Variants in GRIN2B observed in about 807,000 individuals in gnomAD.
GRIN2B encodes the protein glutamate ionotropic receptor NMDA type subunit 2B, also known as glutamate receptor ionotropic, NMDA 2B.
Under a neutral mutation model 114.5 loss-of-function variants are expected in GRIN2B, and 5 were observed. The observed-to-expected ratio is 0.04, with a 90% CI of 0.02 to 0.09. GRIN2B has a LOEUF of 0.09. Ranked by LOEUF, GRIN2B falls within the 10% of genes least tolerant of loss-of-function variation. The pLI is 1.00. For missense variants in GRIN2B, 1,108 were observed against 1,943.5 expected (o/e 0.57, Z 8.08); for synonymous variants, 787 against 745.1 (o/e 1.06, Z -0.92).
At chr12:13,679,731 A>T (rs1009345446) in intron 4 of GRIN2B, among the ~76,000 whole-genome samples, 1 of 152,152 alleles carries the variant, frequency 6.6e-6, no homozygotes, top group Non-Finnish European at 1.5e-5. Context: ...CTTGAGCAAG[A>T]TGCCCTTTGA....
chr12:13,712,669 A>T (rs1459426929), intron 4 of GRIN2B, among the ~76,000 whole-genome samples: 1 of 151,898 alleles, frequency 6.6e-6, no homozygotes, highest in Non-Finnish European at 1.5e-5. Context: ...TTCCATTAGA[A>T]TTTTATCTTT....
intron 5 of GRIN2B, among the ~76,000 whole-genome samples, chr12:13,672,701 A>G (rs1448915425): frequency 1.3e-5 from 2 of 152,184 alleles, no homozygotes; most frequent in African/African-American, 2.4e-5. Flanking sequence ...GGGTTAATTG[A>G]GTCGATATGA....
At chr12:13,893,132 G>A (rs1435004865) in intron 2 of GRIN2B, among the ~76,000 whole-genome samples, 2 of 152,074 alleles carry the variant, frequency 1.3e-5, no homozygotes, top group Non-Finnish European at 2.9e-5. Flanking sequence ...AAGTAAATTT[G>A]ATTAAATTGT....
intron 2 of GRIN2B, chr12:13,977,219 A>C (rs936514090): frequency 6.6e-6 from 1 of 152,218 alleles, no homozygotes; most frequent in African/African-American, 2.4e-5. Context: ...ATCCCTGGCA[A>C]AAATTGCATA....
intron 4 of GRIN2B, among the ~76,000 whole-genome samples, chr12:13,677,620 A>C (rs1950087680): frequency 6.6e-6 from 1 of 151,970 alleles, no homozygotes; most frequent in Non-Finnish European, 1.5e-5. Flanking sequence ...TCTATATCAT[A>C]ATATTGGTCT....
At chr12:13,571,678 G>T in intron 11 of GRIN2B, 126 bp downstream of exon 11, 1 of 987,946 alleles carries the variant, frequency 1.0e-6, no homozygotes, top group Non-Finnish European at 1.6e-6. Flanking sequence ...TCCATAAAGA[G>T]CAAATGAAGT....
chr12:13,607,343 A>ATT (rs1565473649), intron 10 of GRIN2B, among the ~76,000 whole-genome samples: 2 of 42,666 alleles, frequency 4.7e-5, no homozygotes, highest in African/African-American at 2.2e-4. Flanking sequence ...TATTATATAT[A>ATT]ATATATAAAA....
intron 2 of GRIN2B, among the ~76,000 whole-genome samples, chr12:13,941,805 A>C (rs967466116): frequency 6.6e-6 from 1 of 152,360 alleles, no homozygotes; most frequent in Non-Finnish European, 1.5e-5. Flanking sequence ...GAAGGCTGAA[A>C]ACAACTAAAC....
In GRIN2B at chr12:13,753,328, A is replaced by G. The variant is rs779643614; in HGVS notation, c.999T>C (p.Asn333=). ...TGTTCCACACTCACCTATTTAGCAT[A>G]TTGGACTGGTAGATTCTCTTCTCGT... ...NTHEKRIYQS[N]MLNRYLINVT... The change falls in exon 4 of 14, where the codon AAT becomes AAC. Residue 333 remains asparagine (N), a synonymous_variant. Coordinates refer to ENST00000609686, the MANE Select transcript of GRIN2B (RefSeq NM_000834.5). The surrounding 1 kb of genome is among the most constrained non-coding windows in gnomAD (Gnocchi z 6.2). 6.4e-7 allele frequency: 1 copy of G among 1,574,650 alleles called. No homozygotes were observed. Among genetic ancestry groups the G allele is most frequent in the African/African-American group, 1.3e-5 (1 of 74,118 alleles).
chr12:13,881,024 G>A (rs997527978), intron 2 of GRIN2B, among the ~76,000 whole-genome samples: 6 of 152,284 alleles, frequency 3.9e-5, no homozygotes, highest in African/African-American at 9.6e-5. Context: ...GCGCGTGCGC[G>A]CACGCATGTG....
At position 13,608,744 on chromosome 12, in the gene GRIN2B, T is replaced by C; in HGVS notation, c.1869A>G (p.Pro623=). Residue 623 remains proline, a synonymous_variant, in exon 10 of 14, where the codon CCA becomes CCG. Coordinates refer to ENST00000609686, the MANE Select transcript of GRIN2B (RefSeq NM_000834.5). The stretch of plus-strand genomic sequence containing the variant: ...CCATGATCTTGGAGGTGGTCCCCTT[T>C]GGGTTCTGCACAGGTACGGAGTTGT... ...VFNNSVPVQN[P]KGTTSKIMVS... The C allele has an allele frequency of 6.2e-7, 1 of 1,614,122 alleles. No homozygotes were observed. Among genetic ancestry groups the C allele is most frequent in the Middle Eastern group, 1.6e-4 (1 of 6,062 alleles).
rs542626144 is a variant in GRIN2B at position 13,735,922 on chromosome 12, C to T, written c.1010+17395G>A. 3.7e-4 allele frequency among the ~76,000 whole-genome samples: 56 copies of T among 151,694 alleles called. 1 individual carries two copies. The highest frequency in any genetic ancestry group is 1.3e-3 in the African/African-American group (54 of 41,330). On this transcript the variant is annotated intron_variant, in intron 4 of 13. Coordinates refer to ENST00000609686, the MANE Select transcript of GRIN2B (RefSeq NM_000834.5). Reference sequence around the variant, plus strand: ...ATTTTTTTTTTTGGAAAAAAATAACCTCAATCTGAAGCACGTGTCACTGCC... The same window carrying T: ...ATTTTTTTTTTTGGAAAAAAATAACTTCAATCTGAAGCACGTGTCACTGCC...
chr12:13,563,508 C>G lies in GRIN2B; in HGVS notation c.3730G>C (p.Ala1244Pro). Residue 1244 changes from alanine (A) to proline (P), a missense_variant, in exon 14 of 14, where the codon GCT (alanine) becomes CCT (proline). Physicochemically the swap from Ala to Pro is conservative, Grantham distance 27 (BLOSUM62 -1). Around this residue, in one of 19 missense-constraint regions of GRIN2B, gnomAD observed 478 missense variants for 506.0 expected, o/e 0.94. Coordinates refer to ENST00000609686, the MANE Select transcript of GRIN2B (RefSeq NM_000834.5). ...SGRQACIRCE[A>P]CKKAGNLYDI... The stretch of plus-strand genomic sequence containing the variant: ...TACAGGTTGCCTGCTTTCTTGCAAG[C>G]CTCACACCGGATGCACGCCTGCCTG... The G allele has an allele frequency of 6.2e-7, 1 of 1,614,138 alleles. No individual in the cohort carries two copies. Among genetic ancestry groups the G allele is most frequent in the Non-Finnish European group, 8.5e-7 (1 of 1,180,034 alleles).
rs796267496 is a variant in GRIN2B, at chr12:13,607,170, A to T, written c.2010+1433T>A. The stretch of plus-strand genomic sequence containing the variant: ...AAAAAAAATATATATATATATAAAA[A>T]ATATATATAATAAATATATAAAAAA... On this transcript the variant is annotated intron_variant, in intron 10 of 13. Coordinates refer to ENST00000609686, the MANE Select transcript of GRIN2B (RefSeq NM_000834.5). Among the ~76,000 whole-genome samples, 62 of 122,844 alleles carry T rather than the reference A, an allele frequency of 5.0e-4. No homozygotes were observed. In the East Asian group the frequency reaches 7.6e-3, roughly 15 times the overall value. The allele number at this position is 122,844 out of a possible 152,430, so 80.6% of individuals were successfully genotyped here.
rs1030136301 is a variant in GRIN2B at position 13,557,481 on chromosome 12, A to T, written c.*5302T>A. On this transcript the variant is annotated 3_prime_UTR_variant, in exon 14 of 14. Transcript: ENST00000609686. ...TTTATTGTATCACTAATTCAATTTGATTTTTCTAGCTGCCTACTCAGTAAC... is the reference window on the plus strand; with the variant it reads ...TTTATTGTATCACTAATTCAATTTGTTTTTTCTAGCTGCCTACTCAGTAAC... The T allele has an allele frequency of 1.3e-5, 2 of 152,178 alleles. No homozygotes were observed. The highest frequency in any genetic ancestry group is 2.9e-5 in the Non-Finnish European group (2 of 68,008). 9.4% of individuals were successfully genotyped at this position (152,178 alleles called of 1,614,324 possible). A position where few individuals can be genotyped will look rare whatever the true frequency, so the allele number is the denominator to read the frequency against.
chr12:13,971,472 A>G (rs958319886), intron 2 of GRIN2B, among the ~76,000 whole-genome samples: 5 of 152,172 alleles, frequency 3.3e-5, no homozygotes, highest in Admixed American at 6.5e-5. Flanking sequence ...GAAGAACGAC[A>G]TCTTGATGCC....
At chr12:13,750,801 G>A (rs1314509887) in intron 4 of GRIN2B, among the ~76,000 whole-genome samples, 1 of 152,176 alleles carries the variant, frequency 6.6e-6, no homozygotes, top group East Asian at 1.9e-4. Flanking sequence ...TGCAGGAAAT[G>A]GGGTCAGAGA....
chr12:13,822,109 G>A (rs1291065028), intron 3 of GRIN2B, among the ~76,000 whole-genome samples: 1 of 152,032 alleles, frequency 6.6e-6, no homozygotes, highest in Non-Finnish European at 1.5e-5. Context: ...TAAAGGGCTG[G>A]GCCTAAAGTC....
intron 3 of GRIN2B, among the ~76,000 whole-genome samples, chr12:13,758,303 A>C (rs762158465): frequency 1.1e-4 from 16 of 152,018 alleles, no homozygotes; most frequent in Non-Finnish European, 1.8e-4. Flanking sequence ...CCCCCTGCAC[A>C]CTAACCTCAG....
Sources: allele counts gnomAD v4.1 joint callset (sites outside exome capture counted in the v4.1 genomes callset), GRCh38; gene constraint gnomAD v4.1.1; regional missense constraint gnomAD v4.1.1; non-coding constraint Gnocchi (gnomAD v3.1); transcripts MANE v1.5; gene names NCBI Gene and HGNC (gene_info 2026-07-23, HGNC 2026-07-21).